INVS: variants seen among roughly 807,000 people sequenced by gnomAD.
The protein encoded by INVS is inversion of embryo turning homolog.
In INVS, 86 loss-of-function variants were observed where a neutral mutation model predicts 108.8. That is an observed-to-expected ratio of 0.79 (90% CI 0.66 to 0.95). The LOEUF is 0.95. Among genes scored for constraint, INVS ranks in the 40% least tolerant of loss-of-function variants. The probability of loss-of-function intolerance (pLI) is 0.00; values close to 1 mark genes in which losing one functional copy is unlikely to be tolerated. For synonymous variants in INVS, 455 were observed against 473.5 expected (o/e 0.96, Z 0.51); for missense variants, 1,169 against 1,297.4 (o/e 0.90, Z 1.52).
intron 10 of INVS, among the ~76,000 whole-genome samples, chr9:100,262,722 A>G (rs904078584): frequency 7.1e-6 from 1 of 141,732 alleles, no homozygotes; most frequent in African/African-American, 2.6e-5. Flanking sequence ...ATATTTTGAG[A>G]TTTTGGGTTT....
chr9:100,213,168 A>G (rs1268550310), intron 3 of INVS, among the ~76,000 whole-genome samples: 6 of 129,016 alleles, frequency 4.7e-5, no homozygotes, highest in Non-Finnish European at 1.6e-5. Flanking sequence ...CCTAATACCA[A>G]GACATTGGCG....
At chr9:100,115,044 A>G (rs1025490969) in intron 2 of INVS, among the ~76,000 whole-genome samples, 1 of 152,186 alleles carries the variant, frequency 6.6e-6, no homozygotes, top group African/African-American at 2.4e-5. Context: ...TCTACCAACA[A>G]TGGCTGAGAA....
intron 12 of INVS, among the ~76,000 whole-genome samples, chr9:100,278,231 C>A (rs957012716): frequency 7.7e-3 from 633 of 82,658 alleles, no homozygotes; most frequent in Middle Eastern, 0.022. Context: ...GACCCTGTCT[C>A]AAAAAAAAAA....
chr9:100,113,461 A>G lies in INVS; in HGVS notation c.106+8834A>G, dbSNP rs182449524. Among the ~76,000 whole-genome samples, 794 of 152,362 alleles carry G rather than the reference A, an allele frequency of 5.2e-3. 2 individuals are homozygous for G. The highest frequency in any genetic ancestry group is 9.0e-3 in the Non-Finnish European group (611 of 68,036). ...AAGCTAGGAAGTCTTTCTGGGTTCC[A>G]GCGTATCCAAGATTAAAATATATGT... On this transcript the variant is annotated intron_variant, in intron 2 of 16. Coordinates refer to ENST00000262457, the MANE Select transcript of INVS (RefSeq NM_014425.5).
chr9:100,248,396 A>G (rs1157939162), intron 8 of INVS, among the ~76,000 whole-genome samples: 2 of 151,380 alleles, frequency 1.3e-5, no homozygotes, highest in African/African-American at 4.9e-5. Flanking sequence ...TTCAATGGGG[A>G]TTTTATTATG....
chr9:100,116,970 A>T, intron 2 of INVS: 2 of 1,559,980 alleles, frequency 1.3e-6, no homozygotes, highest in African/African-American at 2.7e-5. Flanking sequence ...GAGGTGTAGC[A>T]GTCATCGATA....
At chr9:100,226,973 TC>T (rs1165509381) in intron 4 of INVS, among the ~76,000 whole-genome samples, 1 of 152,232 alleles carries the variant, frequency 6.6e-6, no homozygotes, top group Non-Finnish European at 1.5e-5. Flanking sequence ...CGCTTTGGTA[TC>T]AGCCTTCCTG....
Position 100,300,891 on chromosome 9 carries a change from G to A in INVS, c.*217G>A. 1.7e-6 allele frequency: 1 copy of A among 590,524 alleles called. No homozygotes were observed. The highest frequency in any genetic ancestry group is 2.0e-5 in the South Asian group (1 of 51,278). The allele number at this position is 590,524 out of a possible 1,614,324, so 36.6% of individuals were successfully genotyped here. A position where few individuals can be genotyped will look rare whatever the true frequency, so the allele number is the denominator to read the frequency against. The stretch of plus-strand genomic sequence containing the variant: ...TCAATCAACACAGCCTGCACTGAAA[G>A]GACCTGCATAGACTATGTCTGTGCA... On this transcript the variant is annotated 3_prime_UTR_variant, in exon 17 of 17. Coordinates refer to ENST00000262457, the MANE Select transcript of INVS (RefSeq NM_014425.5).
chr9:100,127,101 TG>T (rs993491602), intron 3 of INVS, among the ~76,000 whole-genome samples: 3 of 151,966 alleles, frequency 2.0e-5, no homozygotes, highest in Non-Finnish European at 2.9e-5. Context: ...GGGGCTCAGG[TG>T]GGAGGATCAC....
chr9:100,264,545 G>A, intron 10 of INVS, among the ~76,000 whole-genome samples: 1 of 151,698 alleles, frequency 6.6e-6, no homozygotes, highest in East Asian at 1.9e-4. Context: ...TTGCACCTGG[G>A]AGGTGGAGGT....
At chr9:100,297,251 A>G (rs1451180130) in intron 15 of INVS, 105 bp downstream of exon 15, 1 of 947,944 alleles carries the variant, frequency 1.1e-6, no homozygotes, top group African/African-American at 1.6e-5. Flanking sequence ...CATTCAGATA[A>G]ATTAGGTTGG....
At chr9:100,195,096 A>T (rs1159659844) in intron 3 of INVS, among the ~76,000 whole-genome samples, 1 of 152,168 alleles carries the variant, frequency 6.6e-6, no homozygotes, top group Admixed American at 6.5e-5. Context: ...GATAAAGTCA[A>T]ATATTGTGGC....
chr9:100,199,665 T>C (rs538212888), intron 3 of INVS, among the ~76,000 whole-genome samples: 3 of 152,296 alleles, frequency 2.0e-5, no homozygotes, highest in South Asian at 4.1e-4. Context: ...TCGGTTCCGA[T>C]GAGAAGTACA....
At chr9:100,268,062 C>G (rs1007103194) in intron 11 of INVS, among the ~76,000 whole-genome samples, 2 of 152,068 alleles carry the variant, frequency 1.3e-5, no homozygotes, top group African/African-American at 4.8e-5. Context: ...GTTCTTGGCT[C>G]TCTCGCAAGA....
chr9:100,274,001 T>C (rs1389436998), intron 12 of INVS, among the ~76,000 whole-genome samples: 1 of 152,178 alleles, frequency 6.6e-6, no homozygotes, highest in African/African-American at 2.4e-5. Flanking sequence ...TCGCATTTTT[T>C]TTGGACGATG....
chr9:100,109,994 C>T (rs1012677229), intron 2 of INVS, among the ~76,000 whole-genome samples: 3 of 152,324 alleles, frequency 2.0e-5, no homozygotes, highest in African/African-American at 7.2e-5. Context: ...TCTTCTGACA[C>T]AGTATTTAGA....
chr9:100,149,934 A>T (rs1828756133), intron 3 of INVS, among the ~76,000 whole-genome samples: 1 of 152,170 alleles, frequency 6.6e-6, no homozygotes, highest in Non-Finnish European at 1.5e-5. Flanking sequence ...GTGACAAATT[A>T]TCCTGATTTG....
chr9:100,244,049 G>A lies in INVS; in HGVS notation c.906+1370G>A, dbSNP rs144611879. 4.6e-3 allele frequency among the ~76,000 whole-genome samples: 705 copies of A among 152,028 alleles called. 7 individuals are homozygous for A. The highest frequency in any genetic ancestry group is 0.016 in the African/African-American group (667 of 41,478). ...TAAATAAATAATACTATCATCAAGC[G>A]TAGTATAATTTCATCTTTGTGACCT... On this transcript the variant is annotated intron_variant, in intron 7 of 16. Coordinates refer to ENST00000262457, the MANE Select transcript of INVS (RefSeq NM_014425.5).
chr9:100,292,645 A>C lies in INVS; in HGVS notation c.2388A>C (p.Gln796His), dbSNP rs1328418399. 6.2e-7 allele frequency: 1 copy of C among 1,614,192 alleles called. No individual in the cohort carries two copies. Among genetic ancestry groups the C allele is most frequent in the African/African-American group, 1.3e-5 (1 of 75,056 alleles). Reference sequence around the variant, plus strand: ...GTGCCCCCCAGAAAAGGCGCACTCAAGAGCTCAGAGGAGGAAGGTGCTCTC... The same window carrying C: ...GTGCCCCCCAGAAAAGGCGCACTCACGAGCTCAGAGGAGGAAGGTGCTCTC... ...AKCAPQKRRT[Q>H]ELRGGRCSPA... is the part of the protein sequence containing the mutation. Residue 796 changes from glutamine to histidine, a missense_variant, in exon 14 of 17, where the codon CAA becomes CAC. By Grantham distance (24) the Gln-to-His change is conservative. Around this residue, in one of 3 missense-constraint regions of INVS, gnomAD observed 533 missense variants for 536.0 expected, o/e 0.99. Coordinates refer to ENST00000262457, the MANE Select transcript of INVS (RefSeq NM_014425.5).
Sources: allele counts gnomAD v4.1 joint callset (sites outside exome capture counted in the v4.1 genomes callset), GRCh38; gene constraint gnomAD v4.1.1; regional missense constraint gnomAD v4.1.1; transcripts MANE v1.5; gene names NCBI Gene and HGNC (gene_info 2026-07-23, HGNC 2026-07-21).